Variants in LPP observed in about 807,000 individuals in gnomAD.
LPP encodes the protein LIM domain containing preferred translocation partner in lipoma, also known as lipoma-preferred partner.
A neutral mutation model predicts 60.4 loss-of-function variants in LPP; 38 were observed. The observed-to-expected ratio is 0.63, with a 90% CI of 0.49 to 0.83. The LOEUF is 0.83. Ranked by LOEUF, LPP falls within the 40% of genes least tolerant of loss-of-function variation. The pLI, the probability that LPP is intolerant of heterozygous loss-of-function variation, is 0.00. For synonymous variants in LPP, 328 were observed against 290.8 expected (o/e 1.13, Z -1.30); for missense variants, 902 against 783.6 (o/e 1.15, Z -1.80).
intron 6 of LPP, among the ~76,000 whole-genome samples, chr3:188,536,086 G>T (rs896299826): frequency 1.4e-5 from 2 of 143,172 alleles, no homozygotes; most frequent in Non-Finnish European, 3.0e-5. Flanking sequence ...TCATCTCACC[G>T]CAACCACTGC....
chr3:188,821,288 G>C (rs912107018), intron 9 of LPP, among the ~76,000 whole-genome samples: 7 of 148,396 alleles, frequency 4.7e-5, no homozygotes, highest in African/African-American at 1.8e-4. Flanking sequence ...GAATTATCTG[G>C]ATGGTTTTAA....
chr3:188,715,966 T>C (rs1043996013), intron 8 of LPP, among the ~76,000 whole-genome samples: 1 of 152,246 alleles, frequency 6.6e-6, no homozygotes, highest in Non-Finnish European at 1.5e-5. Context: ...GTAATTATCT[T>C]GACATTGTTT....
chr3:188,258,065 C>T (rs1271609957), intron 2 of LPP, among the ~76,000 whole-genome samples: 3 of 152,232 alleles, frequency 2.0e-5, no homozygotes, highest in Non-Finnish European at 4.4e-5. Flanking sequence ...CATGACACTT[C>T]TGTGTGGCAT....
rs6806431 is a variant in LPP, at chr3:188,439,693, C to T, written c.193+33380C>T. ...ATATTTTAACTTGTTCAACATATAA[C>T]TCCGTATGTCTTAGCACTGCTGTGT... is the stretch of plus-strand genomic sequence containing the variant. On this transcript the variant is annotated intron_variant, in intron 4 of 11. Transcript: ENST00000617246. Among the ~76,000 whole-genome samples, 617 of 152,320 alleles carry T rather than the reference C, an allele frequency of 4.1e-3. 5 individuals are homozygous for T. Among genetic ancestry groups the T allele is most frequent in the African/African-American group, 0.014 (567 of 41,556 alleles).
intron 6 of LPP, among the ~76,000 whole-genome samples, chr3:188,597,057 T>A (rs1347718979): frequency 6.6e-6 from 1 of 152,146 alleles, no homozygotes; most frequent in Non-Finnish European, 1.5e-5. Flanking sequence ...TATTATTAAG[T>A]CTGAGCATTC....
At chr3:188,172,644 T>C (rs1174198016) in intron 1 of LPP, among the ~76,000 whole-genome samples, 4 of 152,184 alleles carry the variant, frequency 2.6e-5, no homozygotes, top group African/African-American at 9.7e-5. Context: ...GTACAGGGAA[T>C]TTTCATATAC....
intron 2 of LPP, among the ~76,000 whole-genome samples, chr3:188,297,698 A>C (rs1041920845): frequency 1.1e-4 from 17 of 152,366 alleles, no homozygotes; most frequent in East Asian, 3.9e-4. Context: ...ATCAAAGGAC[A>C]CTGGGGCTAG....
intron 2 of LPP, among the ~76,000 whole-genome samples, chr3:188,262,239 G>A (rs1379137416): frequency 6.6e-6 from 1 of 152,116 alleles, no homozygotes; most frequent in African/African-American, 2.4e-5. Flanking sequence ...CATTGCCAAC[G>A]AGCTGCTTGA....
intron 1 of LPP, among the ~76,000 whole-genome samples, chr3:188,221,331 C>G (rs1030345394): frequency 6.6e-6 from 1 of 152,182 alleles, no homozygotes; most frequent in Non-Finnish European, 1.5e-5. Context: ...TGCATGTACT[C>G]GTGCTTTTCT....
chr3:188,700,253 A>G (rs558605364), intron 7 of LPP, among the ~76,000 whole-genome samples: 2 of 152,262 alleles, frequency 1.3e-5, no homozygotes, highest in African/African-American at 4.8e-5. Context: ...TAAGGTTCAG[A>G]TTTGCAGTAA....
At chr3:188,841,393 G>GTTGTTT (rs1759952661) in intron 9 of LPP, among the ~76,000 whole-genome samples, 1 of 112,868 alleles carries the variant, frequency 8.9e-6, no homozygotes, top group South Asian at 3.0e-4. Flanking sequence ...TTCTGAATTT[G>GTTGTTT]TTTTTTTTTT....
At chr3:188,280,248 A>G (rs1461751162) in intron 2 of LPP, among the ~76,000 whole-genome samples, 2 of 152,186 alleles carry the variant, frequency 1.3e-5, no homozygotes, top group Non-Finnish European at 2.9e-5. Flanking sequence ...GAAAGGAGAA[A>G]GCGGAGCTGC....
chr3:188,402,372 G>A (rs933385716), intron 3 of LPP, among the ~76,000 whole-genome samples: 1 of 152,062 alleles, frequency 6.6e-6, no homozygotes, highest in African/African-American at 2.4e-5. Context: ...ATTTATTCTA[G>A]GCATGCAAAG....
intron 9 of LPP, among the ~76,000 whole-genome samples, chr3:188,837,421 A>AATAATAATC (rs1485239539): frequency 1.0e-3 from 142 of 141,712 alleles, no homozygotes; most frequent in African/African-American, 3.5e-3. Flanking sequence ...TAATAATAAT[A>AATAATAATC]ATCTGTGCTT....
chr3:188,437,920 G>C (rs73050799), intron 4 of LPP, among the ~76,000 whole-genome samples: 4 of 152,142 alleles, frequency 2.6e-5, no homozygotes, highest in African/African-American at 9.7e-5. Context: ...TCTGCAGTAA[G>C]TGTGATAGCT....
intron 4 of LPP, among the ~76,000 whole-genome samples, chr3:188,443,048 CAT>C (rs1308809345): frequency 1.3e-5 from 2 of 152,178 alleles, no homozygotes; most frequent in Non-Finnish European, 2.9e-5. Flanking sequence ...AAGACAGAGA[CAT>C]GTGGACAGGT....
rs756897989 is a variant in LPP, at chr3:188,885,072, A to G, written c.*10593A>G. 23 of 214,182 alleles carry G rather than the reference A, an allele frequency of 1.1e-4. No homozygotes were observed. Among genetic ancestry groups the G allele is most frequent in the Non-Finnish European group, 2.1e-4 (22 of 106,130 alleles). The allele number at this position is 214,182 out of a possible 1,614,324, so 13.3% of individuals were successfully genotyped here. On this transcript the variant is annotated 3_prime_UTR_variant, in exon 12 of 12. Coordinates refer to ENST00000617246, the MANE Select transcript of LPP (RefSeq NM_001375462.1). ...TGCTCTACGTAACAGTTCAGCAAGC[A>G]AGTGTTCCTTCTCTTGAGCTGCGTC...
intron 7 of LPP, among the ~76,000 whole-genome samples, chr3:188,625,611 A>G (rs1846691875): frequency 6.6e-6 from 1 of 152,176 alleles, no homozygotes; most frequent in Non-Finnish European, 1.5e-5. Context: ...TACAGAATCA[A>G]CAATATGAAA....
chr3:188,462,573 T>A lies in LPP; in HGVS notation c.194-22019T>A, dbSNP rs1221589905. Among the ~76,000 whole-genome samples the A allele has an allele frequency of 5.5e-3, 357 of 65,000 alleles. 11 individuals carry two copies. Among genetic ancestry groups the A allele is most frequent in the East Asian group, 0.018 (30 of 1,692 alleles). 42.6% of individuals were successfully genotyped at this position (65,000 alleles called of 152,430 possible). On this transcript the variant is annotated intron_variant, in intron 4 of 11. Coordinates refer to ENST00000617246, the MANE Select transcript of LPP (RefSeq NM_001375462.1). ...ATATATATATATATATATATATATATATATATATATATGCATGTGTGTGTG... is the reference window on the plus strand; with the variant it reads ...ATATATATATATATATATATATATAAATATATATATATGCATGTGTGTGTG...
Sources: allele counts gnomAD v4.1 joint callset (sites outside exome capture counted in the v4.1 genomes callset), GRCh38; gene constraint gnomAD v4.1.1; transcripts MANE v1.5; gene names NCBI Gene and HGNC (gene_info 2026-07-23, HGNC 2026-07-21).